Variants in CALCR observed in about 807,000 individuals in gnomAD.
The protein encoded by CALCR is calcitonin receptor.
In CALCR, 47 loss-of-function variants were observed where a neutral mutation model predicts 59.5. The ratio of observed to expected loss-of-function variants is 0.79; its 90% CI spans 0.63 to 1.01. The LOEUF is 1.01. Among genes scored for constraint, CALCR ranks in the 50% least tolerant of loss-of-function variants. The pLI is 0.00. For synonymous variants in CALCR, 213 were observed against 211.3 expected, an observed-to-expected ratio of 1.01 and a Z score of -0.07; for missense variants, 566 against 597.1, an observed-to-expected ratio of 0.95 and a Z score of 0.54.
rs1346268992 is a variant in CALCR, at chr7:93,569,788, T to C, written c.-27+4501A>G. On this transcript the variant is annotated intron_variant, in intron 2 of 13. Coordinates refer to ENST00000426151, the MANE Select transcript of CALCR (RefSeq NM_001742.4). ...AGATGTGTTATGGGAGAATGATTAA[T>C]ACATTTTAAGGATGAAGGAAGGTAA... Among the ~76,000 whole-genome samples the C allele has an allele frequency of 3.3e-5, 5 of 152,142 alleles. No individual in the cohort carries two copies. In the East Asian group the frequency reaches 5.8e-4, roughly 18 times the overall value.
chr7:93,429,930 G>GTT (rs1491050136), intron 13 of CALCR, among the ~76,000 whole-genome samples: 3 of 105,358 alleles, frequency 2.8e-5, no homozygotes, highest in Non-Finnish European at 3.8e-5. Context: ...TTTTTTGTTT[G>GTT]TTTGTTTTTT....
chr7:93,543,153 T>C (rs1451083746), intron 2 of CALCR, among the ~76,000 whole-genome samples: 3 of 152,196 alleles, frequency 2.0e-5, no homozygotes, highest in Admixed American at 6.5e-5. Context: ...GGGGCTATAG[T>C]TATAGTTGTA....
chr7:93,547,006 G>C (rs1406243544), intron 2 of CALCR, among the ~76,000 whole-genome samples: 1 of 152,146 alleles, frequency 6.6e-6, no homozygotes, highest in Non-Finnish European at 1.5e-5. Flanking sequence ...GTGAGTATAT[G>C]AAGGGACAAG....
Position 93,443,605 on chromosome 7 carries a change from C to T in CALCR, c.801G>A (p.Trp267Ter). The change falls in exon 9 of 14, where the codon TGG becomes TGA. Residue 267 changes from tryptophan (W) to a stop codon, truncating the protein, a stop_gained and splice_region_variant. Transcript: ENST00000426151. LOFTEE classifies it high-confidence loss of function. ...AACTTAGCTGCAGAAAATACATACC[C>T]CAGCCCAAGAGATAATACCACCGCA... ...QRLRWYYLLG[W>*]GFPLVPTTIH... is the part of the protein sequence containing the mutation. The T allele has an allele frequency of 6.2e-7, 1 of 1,612,404 alleles. No individual in the cohort carries two copies. Among genetic ancestry groups the T allele is most frequent in the South Asian group, 1.1e-5 (1 of 90,852 alleles).
rs78996926 is a variant in CALCR, at chr7:93,564,202, G to T, written c.-27+10087C>A. 4.8e-3 allele frequency among the ~76,000 whole-genome samples: 734 copies of T among 152,002 alleles called. 3 individuals are homozygous for T. The highest frequency in any genetic ancestry group is 0.017 in the African/African-American group (718 of 41,448). ...GTGCCAACACTATCATTTAATTTCC[G>T]AGAATCTACCAGAAAGAGAGCACTT... is the stretch of plus-strand genomic sequence containing the variant. On this transcript the variant is annotated intron_variant, in intron 2 of 13. Transcript: ENST00000426151.
At chr7:93,474,976 A>G (rs1281985477) in intron 5 of CALCR, among the ~76,000 whole-genome samples, 1 of 151,758 alleles carries the variant, frequency 6.6e-6, no homozygotes, top group African/African-American at 2.4e-5. Context: ...ACTAAAGAAA[A>G]GAGAAACTTA....
intron 2 of CALCR, among the ~76,000 whole-genome samples, chr7:93,531,905 G>C (rs1283423461): frequency 6.6e-6 from 1 of 152,040 alleles, no homozygotes; most frequent in East Asian, 1.9e-4. Context: ...AAAATTCATT[G>C]ATCTGAAAAA....
At chr7:93,528,996 C>A (rs17165540) in intron 2 of CALCR, among the ~76,000 whole-genome samples, 2 of 152,096 alleles carry the variant, frequency 1.3e-5, no homozygotes, top group Admixed American at 1.3e-4. Flanking sequence ...TATGATTACA[C>A]GAAAATGAGT....
rs149715941 is a variant in CALCR, at chr7:93,523,292, C to A, written c.-26-36285G>T. ...GACTTAATTTTGACATGCTTCTGTACCCCTCACGGTCTCCTCCCATTTTTT... is the reference window on the plus strand; with the variant it reads ...GACTTAATTTTGACATGCTTCTGTAACCCTCACGGTCTCCTCCCATTTTTT... On this transcript the variant is annotated intron_variant, in intron 2 of 13. Coordinates refer to ENST00000426151, the MANE Select transcript of CALCR (RefSeq NM_001742.4). Among the ~76,000 whole-genome samples, 367 of 152,238 alleles carry A rather than the reference C, an allele frequency of 2.4e-3. 4 individuals are homozygous for A. Among genetic ancestry groups the A allele is most frequent in the African/African-American group, 7.7e-3 (320 of 41,552 alleles).
In CALCR at chr7:93,443,722, G is replaced by A. The variant is rs1799957686; in HGVS notation, c.684C>T (p.Tyr228=). The A allele has an allele frequency of 1.2e-6, 2 of 1,612,806 alleles. No individual in the cohort carries two copies. Among genetic ancestry groups the A allele is most frequent in the East Asian group, 4.5e-5 (2 of 44,844 alleles). Residue 228 remains tyrosine, a synonymous_variant, in exon 9 of 14, where the codon TAC becomes TAT. Transcript: ENST00000426151. ...TCCAGAAATAGTTGCAGGCCATCAT[G>A]TACTGGTGGAAAAAATGCAAAATCT... The part of the protein sequence containing the change: ...SCKILHFFHQ[Y]MMACNYFWML...
intron 5 of CALCR, among the ~76,000 whole-genome samples, chr7:93,474,498 G>A (rs1800623698): frequency 6.6e-6 from 1 of 151,660 alleles, no homozygotes; most frequent in Non-Finnish European, 1.5e-5. Flanking sequence ...AGATAATGTT[G>A]TTAGCTACAA....
intron 3 of CALCR, among the ~76,000 whole-genome samples, chr7:93,483,446 TAG>T (rs1800849635): frequency 6.9e-6 from 1 of 144,074 alleles, no homozygotes; most frequent in African/African-American, 2.8e-5. Flanking sequence ...GATAGATAGA[TAG>T]ATAGATAGAC....
intron 2 of CALCR, among the ~76,000 whole-genome samples, chr7:93,549,835 A>G (rs1789399126): frequency 6.6e-6 from 1 of 152,200 alleles, no homozygotes; most frequent in Non-Finnish European, 1.5e-5. Context: ...CATTCAAGAG[A>G]TGCTATCCAG....
intron 13 of CALCR, among the ~76,000 whole-genome samples, chr7:93,431,754 T>A (rs771667541): frequency 6.6e-6 from 1 of 152,234 alleles, no homozygotes; most frequent in Non-Finnish European, 1.5e-5. Flanking sequence ...GACAGTTAAA[T>A]GGAGATGTTT....
intron 2 of CALCR, among the ~76,000 whole-genome samples, chr7:93,506,676 G>A (rs147902616): frequency 2.0e-5 from 3 of 151,346 alleles, no homozygotes; most frequent in African/African-American, 7.3e-5. Context: ...TCACTTGGTG[G>A]TTGTGGGGCA....
chr7:93,507,141 G>C (rs1246150038), intron 2 of CALCR, among the ~76,000 whole-genome samples: 1 of 152,004 alleles, frequency 6.6e-6, no homozygotes, highest in Non-Finnish European at 1.5e-5. Flanking sequence ...AAAGAATAAA[G>C]TCCCAAAGGG....
Position 93,438,042 on chromosome 7 carries a change from TA to T in CALCR, c.930+17del. 6.2e-7 allele frequency: 1 copy of T among 1,606,206 alleles called. No individual in the cohort carries two copies. Among genetic ancestry groups the T allele is most frequent in the Non-Finnish European group, 8.5e-7 (1 of 1,173,494 alleles). ...AGAGATAATACTACTAATATTGCAATAAAAAACTAATTCTCACCACAAGTGC... is the reference window on the plus strand; with the variant it reads ...AGAGATAATACTACTAATATTGCAATAAAAACTAATTCTCACCACAAGTGC... On this transcript the variant is annotated intron_variant, in intron 11 of 13. Transcript: ENST00000426151.
At chr7:93,464,388 T>C (rs934981354) in intron 7 of CALCR, among the ~76,000 whole-genome samples, 2 of 151,994 alleles carry the variant, frequency 1.3e-5, no homozygotes, top group African/African-American at 2.4e-5. Context: ...TGGGAAAATA[T>C]GAATTAGGAA....
At chr7:93,428,846 C>T (rs569568192) in intron 13 of CALCR, among the ~76,000 whole-genome samples, 37 of 150,048 alleles carry the variant, frequency 2.5e-4, no homozygotes, top group African/African-American at 8.6e-4. Context: ...CTCTTAAATA[C>T]CAAGATTATC....
Sources: allele counts gnomAD v4.1 joint callset (sites outside exome capture counted in the v4.1 genomes callset), GRCh38; gene constraint gnomAD v4.1.1; transcripts MANE v1.5; gene names NCBI Gene and HGNC (gene_info 2026-07-23, HGNC 2026-07-21).